FILIP1L: variants seen among roughly 807,000 people sequenced by gnomAD.
The protein encoded by FILIP1L is filamin A-interacting protein 1-like.
Under a neutral mutation model 96.6 loss-of-function variants are expected in FILIP1L, and 55 were observed. The observed-to-expected ratio is 0.57, with a 90% CI of 0.46 to 0.71. The LOEUF is 0.71. Among genes scored for constraint, FILIP1L ranks in the 30% least tolerant of loss-of-function variants. The pLI, the probability that FILIP1L is intolerant of heterozygous loss-of-function variation, is 0.00. For synonymous variants in FILIP1L, 467 were observed against 473.9 expected (o/e 0.99, Z 0.19); for missense variants, 1,304 against 1,321.2 (o/e 0.99, Z 0.20).
chr3:100,035,534 A>G (rs2065093504), intron 1 of FILIP1L, among the ~76,000 whole-genome samples: 1 of 152,172 alleles, frequency 6.6e-6, no homozygotes, highest in Non-Finnish European at 1.5e-5. Flanking sequence ...AAGTGCTGCA[A>G]TTACAGGCGT....
chr3:100,047,034 A>G (rs2065288670), intron 1 of FILIP1L, among the ~76,000 whole-genome samples: 1 of 152,234 alleles, frequency 6.6e-6, no homozygotes, highest in African/African-American at 2.4e-5. Flanking sequence ...AGTTTTCAAG[A>G]TAAAATGTAA....
chr3:100,020,308 A>T (rs925661150), intron 1 of FILIP1L, among the ~76,000 whole-genome samples: 4 of 152,144 alleles, frequency 2.6e-5, no homozygotes, highest in African/African-American at 9.7e-5. Flanking sequence ...CGCATTTAGG[A>T]CTTGGTGCCA....
intron 1 of FILIP1L, among the ~76,000 whole-genome samples, chr3:100,020,015 G>C (rs1559727705): frequency 6.6e-6 from 1 of 152,126 alleles, no homozygotes; most frequent in African/African-American, 2.4e-5. Flanking sequence ...TAATATCACT[G>C]ATTCAGTAAT....
chr3:99,918,134 C>A (rs1165689283), intron 4 of FILIP1L, among the ~76,000 whole-genome samples: 1 of 152,006 alleles, frequency 6.6e-6, no homozygotes, highest in Non-Finnish European at 1.5e-5. Flanking sequence ...CGCGGCACCA[C>A]GCCCGGCTAA....
chr3:99,851,670 T>C (rs1027895936), intron 4 of FILIP1L, among the ~76,000 whole-genome samples: 4 of 152,238 alleles, frequency 2.6e-5, no homozygotes, highest in Non-Finnish European at 5.9e-5. Flanking sequence ...ATGGCTTGCT[T>C]GAACCAAAGT....
chr3:99,921,239 G>C (rs531359028), intron 4 of FILIP1L, among the ~76,000 whole-genome samples: 1 of 152,176 alleles, frequency 6.6e-6, no homozygotes, highest in Admixed American at 6.5e-5. Context: ...GCACACTACG[G>C]GTATTTCACA....
chr3:99,932,751 T>A (rs1369646764), intron 1 of FILIP1L, among the ~76,000 whole-genome samples: 1 of 151,920 alleles, frequency 6.6e-6, no homozygotes, highest in African/African-American at 2.4e-5. Context: ...ATTAGCCAGG[T>A]GTGGTGGCAC....
intron 1 of FILIP1L, among the ~76,000 whole-genome samples, chr3:99,966,427 G>T (rs764208373): frequency 6.6e-6 from 1 of 151,932 alleles, no homozygotes; most frequent in Non-Finnish European, 1.5e-5. Flanking sequence ...TATAGTTTTA[G>T]AGGTTAGAAC....
intron 4 of FILIP1L, among the ~76,000 whole-genome samples, chr3:99,877,079 C>G (rs2107596709): frequency 6.6e-6 from 1 of 152,276 alleles, no homozygotes; most frequent in East Asian, 1.9e-4. Context: ...TTGTACAAAT[C>G]CTACTTCTTG....
At chr3:100,092,732 ACTCTG>A (rs2066132684) in intron 1 of FILIP1L, among the ~76,000 whole-genome samples, 1 of 150,058 alleles carries the variant, frequency 6.7e-6, no homozygotes, top group Non-Finnish European at 1.5e-5. Context: ...ATTCATACTT[ACTCTG>A]AGGTCCTACC....
At chr3:100,060,041 G>A (rs2065533354) in intron 1 of FILIP1L, among the ~76,000 whole-genome samples, 1 of 151,652 alleles carries the variant, frequency 6.6e-6, no homozygotes, top group Non-Finnish European at 1.5e-5. Flanking sequence ...GAGGACGGTT[G>A]GGGAAATGGG....
intron 5 of FILIP1L, among the ~76,000 whole-genome samples, chr3:99,834,980 G>A (rs1420439482): frequency 3.3e-5 from 5 of 152,182 alleles, no homozygotes; most frequent in Non-Finnish European, 5.9e-5. Context: ...AGTTTCGGGT[G>A]TTAGGTGTTC....
intron 1 of FILIP1L, among the ~76,000 whole-genome samples, chr3:99,943,283 T>C (rs576232387): frequency 6.6e-6 from 1 of 152,318 alleles, no homozygotes; most frequent in East Asian, 1.9e-4. Flanking sequence ...TTTGAAGACA[T>C]TTCCAAAATG....
intron 4 of FILIP1L, among the ~76,000 whole-genome samples, chr3:99,877,663 T>TA (rs1705580494): frequency 6.6e-6 from 1 of 152,236 alleles, no homozygotes; most frequent in Non-Finnish European, 1.5e-5. Context: ...TTGTTGGTTT[T>TA]AACTCTTCTG....
chr3:99,917,695 G>C (rs1706995271), intron 4 of FILIP1L, among the ~76,000 whole-genome samples: 1 of 152,146 alleles, frequency 6.6e-6, no homozygotes, highest in East Asian at 1.9e-4. Context: ...GAGTGGACTT[G>C]GATGTGCAAA....
chr3:99,948,431 G>A (rs1009362966), intron 1 of FILIP1L, among the ~76,000 whole-genome samples: 7 of 151,720 alleles, frequency 4.6e-5, no homozygotes, highest in African/African-American at 1.7e-4. Flanking sequence ...CCATCTACTC[G>A]TGAGGCTGAG....
At chr3:100,047,540 A>AT (rs1287661897) in intron 1 of FILIP1L, among the ~76,000 whole-genome samples, 2 of 152,250 alleles carry the variant, frequency 1.3e-5, no homozygotes, top group African/African-American at 4.8e-5. Context: ...ACTGCGAATG[A>AT]TTAAGTGGCC....
At chr3:100,092,656 G>C (rs549408557) in intron 1 of FILIP1L, among the ~76,000 whole-genome samples, 1 of 146,742 alleles carries the variant, frequency 6.8e-6, no homozygotes, top group Non-Finnish European at 1.5e-5. Flanking sequence ...CTGGTATCTA[G>C]TATGCACTGA....
intron 4 of FILIP1L, among the ~76,000 whole-genome samples, chr3:99,880,562 T>C (rs1167552175): frequency 1.3e-5 from 2 of 152,192 alleles, no homozygotes; most frequent in Non-Finnish European, 2.9e-5. Context: ...CCTTGAGAAG[T>C]GATTACAGTA....
Sources: gnomAD v4.1 joint callset for allele counts (sites outside exome capture counted in the v4.1 genomes callset) on GRCh38, gnomAD v4.1.1 for gene constraint, MANE v1.5 for transcripts, NCBI Gene and HGNC (gene_info 2026-07-23, HGNC 2026-07-21) for gene names.